Variants in PTPRM observed in about 807,000 individuals in gnomAD.
The protein encoded by PTPRM is receptor-type tyrosine-protein phosphatase mu.
A neutral mutation model predicts 186.7 loss-of-function variants in PTPRM; 47 were observed. The observed-to-expected ratio is 0.25, with a 90% CI of 0.20 to 0.32. The LOEUF (loss-of-function observed/expected upper bound fraction) is 0.32, where lower values mean the gene tolerates loss of function less well. Ranked by LOEUF, PTPRM falls within the 10% of genes least tolerant of loss-of-function variation. The pLI is 1.00. For synonymous variants in PTPRM, 668 were observed against 674.9 expected, an observed-to-expected ratio of 0.99 and a Z score of 0.16; for missense variants, 1,494 against 1,865.0, an observed-to-expected ratio of 0.80 and a Z score of 3.66.
chr18:7,832,388 C>T (rs1178797376), intron 2 of PTPRM, among the ~76,000 whole-genome samples: 2 of 152,150 alleles, frequency 1.3e-5, no homozygotes, highest in Non-Finnish European at 2.9e-5. Context: ...TGATATTGAA[C>T]ACCTTTTCAT....
chr18:7,950,221 T>C (rs2147064923), intron 6 of PTPRM, among the ~76,000 whole-genome samples: 1 of 152,234 alleles, frequency 6.6e-6, no homozygotes, highest in Middle Eastern at 3.4e-3. Context: ...ATATTGAGAC[T>C]CCACCTCTAC....
intron 1 of PTPRM, among the ~76,000 whole-genome samples, chr18:7,604,458 G>A (rs1324118172): frequency 6.6e-6 from 1 of 152,246 alleles, no homozygotes; most frequent in Admixed American, 6.5e-5. Context: ...AATCCTTGAA[G>A]TCTTGGCATT....
At chr18:7,619,773 G>A (rs1288663406) in intron 1 of PTPRM, among the ~76,000 whole-genome samples, 5 of 152,268 alleles carry the variant, frequency 3.3e-5, no homozygotes, top group African/African-American at 1.2e-4. Flanking sequence ...CTCCTCCTGC[G>A]CATAGAGTAG....
chr18:7,716,535 G>C (rs1298012805), intron 1 of PTPRM, among the ~76,000 whole-genome samples: 1 of 152,098 alleles, frequency 6.6e-6, no homozygotes, highest in African/African-American at 2.4e-5. Context: ...GAAACTATCA[G>C]AGTGAACATG....
intron 19 of PTPRM, among the ~76,000 whole-genome samples, chr18:8,268,216 G>C (rs1046677272): frequency 6.6e-6 from 1 of 152,056 alleles, no homozygotes; most frequent in Non-Finnish European, 1.5e-5. Context: ...CATTAATATG[G>C]TTTATGCCTC....
rs563882164 is a variant in PTPRM, at chr18:7,961,666, TG to T, written c.1132+6254del. ...TTATCCTAGAAATGTTCTGTCCTAA[TG>T]GCAGAGCCATCCCATCCACAGCTAG... On this transcript the variant is annotated intron_variant, in intron 7 of 32. Transcript: ENST00000580170. Among the ~76,000 whole-genome samples, 26 of 152,338 alleles carry T rather than the reference TG, an allele frequency of 1.7e-4. 2 individuals carry two copies. In the South Asian group the frequency reaches 5.4e-3, roughly 32 times the overall value.
chr18:8,042,353 G>A (rs529458465), intron 7 of PTPRM, among the ~76,000 whole-genome samples: 244 of 152,172 alleles, frequency 1.6e-3, no homozygotes, highest in African/African-American at 5.5e-3. Context: ...TAAGTAAAAC[G>A]TATTGTAAAA....
intron 14 of PTPRM, among the ~76,000 whole-genome samples, chr18:8,150,119 G>T (rs1303851851): frequency 6.6e-6 from 1 of 152,122 alleles, no homozygotes; most frequent in Non-Finnish European, 1.5e-5. Flanking sequence ...TGACGATTAT[G>T]TCTTGGGGTT....
intron 5 of PTPRM, among the ~76,000 whole-genome samples, chr18:7,941,675 C>G (rs554933273): frequency 6.6e-6 from 1 of 152,328 alleles, no homozygotes; most frequent in African/African-American, 2.4e-5. Context: ...TAGCCTTGTG[C>G]CAAGGCACCA....
At chr18:8,310,107 A>G (rs781145718) in intron 20 of PTPRM, among the ~76,000 whole-genome samples, 4 of 152,096 alleles carry the variant, frequency 2.6e-5, no homozygotes, top group Non-Finnish European at 4.4e-5. Context: ...CTCAGATCAG[A>G]ATCCTAGAAG....
rs1287312615 is a variant in PTPRM, at chr18:8,338,285, AT to A, written c.2957-5137del. Among the ~76,000 whole-genome samples the A allele has an allele frequency of 1.6e-4, 23 of 145,766 alleles. 1 individual carries two copies. Among genetic ancestry groups the A allele is most frequent in the African/African-American group, 3.5e-4 (13 of 37,484 alleles). On this transcript the variant is annotated intron_variant, in intron 22 of 32. Coordinates refer to ENST00000580170, the MANE Select transcript of PTPRM (RefSeq NM_001105244.2). ...AGAACTTAAAGTATAATTTAAAAAT[AT>A]ATATATATATATGGAAAAAAATTAA...
intron 2 of PTPRM, among the ~76,000 whole-genome samples, chr18:7,841,315 G>A (rs1315948601): frequency 5.0e-5 from 6 of 119,608 alleles, no homozygotes; most frequent in East Asian, 2.4e-4. Flanking sequence ...TTTTTGAGAC[G>A]GAGTCTCGCT....
In PTPRM at chr18:7,803,968, G is replaced by T. The variant is rs891335342; in HGVS notation, c.196+29697G>T. Reference sequence around the variant, plus strand: ...CAATTCTGAAAAGAATTTGATTACAGGCTGTTCAAGATATTGATCAATATT... The same window carrying T: ...CAATTCTGAAAAGAATTTGATTACATGCTGTTCAAGATATTGATCAATATT... On this transcript the variant is annotated intron_variant, in intron 2 of 32. Coordinates refer to ENST00000580170, the MANE Select transcript of PTPRM (RefSeq NM_001105244.2). 5.3e-5 allele frequency among the ~76,000 whole-genome samples: 8 copies of T among 152,290 alleles called. No homozygotes were observed. The East Asian group carries it at 1.5e-3, about 29-fold the overall frequency.
intron 1 of PTPRM, among the ~76,000 whole-genome samples, chr18:7,605,729 G>A (rs889639973): frequency 1.3e-5 from 2 of 152,164 alleles, no homozygotes; most frequent in Non-Finnish European, 2.9e-5. Context: ...AGCGTGTGAG[G>A]TTCAGGCCCT....
In PTPRM at chr18:8,235,695, A is replaced by G. The variant is rs1308480681; in HGVS notation, c.2301-8363A>G. ...GGTTTTAGATGTTTCTTTTTGTCTA[A>G]TATGTGCATCCAGTGCTACAAATTT... is the stretch of plus-strand genomic sequence containing the variant. On this transcript the variant is annotated intron_variant, in intron 14 of 32. Coordinates refer to ENST00000580170, the MANE Select transcript of PTPRM (RefSeq NM_001105244.2). 3.3e-5 allele frequency among the ~76,000 whole-genome samples: 5 copies of G among 151,886 alleles called. No homozygotes were observed. In the East Asian group the frequency reaches 9.7e-4, roughly 29 times the overall value.
At chr18:7,666,422 C>G (rs1186589567) in intron 1 of PTPRM, among the ~76,000 whole-genome samples, 9 of 152,200 alleles carry the variant, frequency 5.9e-5, no homozygotes. Context: ...GAAGAGGGAG[C>G]AGGTATCAGG....
At chr18:8,373,243 A>T (rs1448357649) in intron 24 of PTPRM, among the ~76,000 whole-genome samples, 2 of 152,226 alleles carry the variant, frequency 1.3e-5, no homozygotes, top group African/African-American at 4.8e-5. Context: ...ATGTACTTTG[A>T]GATGCCTGCA....
chr18:7,629,314 A>C (rs2038135838), intron 1 of PTPRM, among the ~76,000 whole-genome samples: 1 of 152,226 alleles, frequency 6.6e-6, no homozygotes, highest in Non-Finnish European at 1.5e-5. Context: ...GGATGTGGTC[A>C]AGAGGATTCA....
At chr18:7,942,668 G>T (rs2052262935) in intron 5 of PTPRM, among the ~76,000 whole-genome samples, 1 of 152,084 alleles carries the variant, frequency 6.6e-6, no homozygotes, top group African/African-American at 2.4e-5. Flanking sequence ...GGAATGGTCT[G>T]CATGATCTTT....
Sources: gnomAD v4.1 joint callset for allele counts (sites outside exome capture counted in the v4.1 genomes callset) on GRCh38, gnomAD v4.1.1 for gene constraint, MANE v1.5 for transcripts, NCBI Gene and HGNC (gene_info 2026-07-23, HGNC 2026-07-21) for gene names.